NOD1: variants seen among roughly 807,000 people sequenced by gnomAD.
NOD1 encodes nucleotide binding oligomerization domain containing 1.
In NOD1, 70 loss-of-function variants were observed where a neutral mutation model predicts 81.2. That is an observed-to-expected ratio of 0.86 (90% CI 0.71 to 1.05). The LOEUF is 1.05. Among genes scored for constraint, NOD1 ranks in the 50% least tolerant of loss-of-function variants. The probability of loss-of-function intolerance (pLI) is 0.00; values close to 1 mark genes in which losing one functional copy is unlikely to be tolerated. For missense variants in NOD1, 1,233 were observed against 1,228.0 expected (o/e 1.00, Z -0.06); for synonymous variants, 508 against 526.9 (o/e 0.96, Z 0.49).
Position 30,435,996 on chromosome 7 carries a change from A to G in NOD1, c.2621+2T>C, listed in dbSNP as rs1784346538. ...AACAAATGAAATGACTCGAGCTATT[A>G]CCACAGTATTTCTAGAGACGTGTTC... On this transcript the variant is annotated splice_donor_variant, in intron 11 of 13. Coordinates refer to ENST00000222823, the MANE Select transcript of NOD1 (RefSeq NM_006092.4). LOFTEE classifies it high-confidence loss of function. 1.2e-6 allele frequency: 2 copies of G among 1,610,724 alleles called. No individual in the cohort carries two copies. The highest frequency in any genetic ancestry group is 1.7e-6 in the Non-Finnish European group (2 of 1,176,968).
At chr7:30,473,150 TA>T (rs1788438072) in intron 1 of NOD1, among the ~76,000 whole-genome samples, 1 of 152,142 alleles carries the variant, frequency 6.6e-6, no homozygotes, top group African/African-American at 2.4e-5. Context: ...TCAGGAATGC[TA>T]AAGAAGCCAC....
intron 9 of NOD1, among the ~76,000 whole-genome samples, chr7:30,438,893 A>G (rs1232795518): frequency 6.6e-6 from 1 of 152,236 alleles, no homozygotes; most frequent in African/African-American, 2.4e-5. Flanking sequence ...TTAAATGTTA[A>G]CAAGAATCAT....
intron 1 of NOD1, among the ~76,000 whole-genome samples, chr7:30,461,685 T>C (rs1320397632): frequency 6.6e-6 from 1 of 152,060 alleles, no homozygotes; most frequent in Non-Finnish European, 1.5e-5. Flanking sequence ...GACATCAGAG[T>C]TCCTGCCTGC....
chr7:30,453,196 TG>T (rs34332214), intron 5 of NOD1, among the ~76,000 whole-genome samples, 156 bp from the exon 6 acceptor site: 1 of 152,110 alleles, frequency 6.6e-6, no homozygotes, highest in Non-Finnish European at 1.5e-5. Context: ...ATGCAGGACC[TG>T]GGGAGCGTCA....
Position 30,452,512 on chromosome 7 carries a change from G to C in NOD1, c.905C>G (p.Ser302Cys), listed in dbSNP as rs1400632936. The part of the protein sequence containing the change: ...DLDLSRVPDS[S>C]CPWEPAHPLV... ...GGGGTGGGCAGGCTCCCAGGGGCAG[G>C]AGCTGTCAGGCACGCGGCTCAGGTC... The change falls in exon 6 of 14, where the codon TCC becomes TGC. Residue 302 changes from serine (S) to cysteine (C), a missense_variant. By Grantham distance (112) the Ser-to-Cys change is moderately radical. Transcript: ENST00000222823. The C allele has an allele frequency of 1.2e-6, 2 of 1,613,102 alleles. No individual in the cohort carries two copies. The highest frequency in any genetic ancestry group is 1.7e-6 in the Non-Finnish European group (2 of 1,179,986).
intron 1 of NOD1, chr7:30,460,688 C>G (rs1786954988): frequency 2.0e-6 from 2 of 985,272 alleles, no homozygotes; most frequent in African/African-American, 3.5e-5. Context: ...GAGGCAAAGG[C>G]AGGTGGGGGT....
intron 1 of NOD1, among the ~76,000 whole-genome samples, chr7:30,477,557 C>T (rs1417525205): frequency 6.6e-6 from 1 of 152,174 alleles, no homozygotes; most frequent in Non-Finnish European, 1.5e-5. Context: ...TCTTGTTGCC[C>T]AGGCTGGAGC....
At chr7:30,437,943 G>A (rs991204602) in intron 9 of NOD1, among the ~76,000 whole-genome samples, 10 of 152,212 alleles carry the variant, frequency 6.6e-5, no homozygotes, top group Non-Finnish European at 1.3e-4. Flanking sequence ...CACGAGCTTC[G>A]GAGAGCTGTC....
At chr7:30,461,622 T>A (rs1787087910) in intron 1 of NOD1, among the ~76,000 whole-genome samples, 1 of 152,262 alleles carries the variant, frequency 6.6e-6, no homozygotes, top group Non-Finnish European at 1.5e-5. Context: ...GGCCAGGGGC[T>A]ACTCAAGTGG....
Position 30,453,034 on chromosome 7 carries a change from C to G in NOD1, c.383G>C (p.Arg128Thr). The change falls in exon 6 of 14, where the codon AGG becomes ACG. Residue 128 changes from arginine to threonine, a missense_variant. Physicochemically the swap from Arg to Thr is moderately conservative, Grantham distance 71 (BLOSUM62 -1). Coordinates refer to ENST00000222823, the MANE Select transcript of NOD1 (RefSeq NM_006092.4). ...KVVVNTDPVS[R>T]YTQQLRHHLG... is the part of the protein sequence containing the mutation. ...ATGGTGTCGCAGCTGCTGGGTATAC[C>G]TGCTCACTGGAGGGAGGGGGTGGCA... The G allele has an allele frequency of 6.2e-7, 1 of 1,601,736 alleles. No homozygotes were observed. The highest frequency in any genetic ancestry group is 8.5e-7 in the Non-Finnish European group (1 of 1,171,886).
intron 12 of NOD1, among the ~76,000 whole-genome samples, chr7:30,431,847 G>C (rs568928914): frequency 9.2e-5 from 14 of 152,346 alleles, no homozygotes; most frequent in Non-Finnish European, 1.9e-4. Flanking sequence ...CTTTTCGCCT[G>C]TAATCCCAGC....
At chr7:30,463,202 A>G (rs537558443) in intron 1 of NOD1, among the ~76,000 whole-genome samples, 3 of 152,314 alleles carry the variant, frequency 2.0e-5, no homozygotes, top group African/African-American at 7.2e-5. Flanking sequence ...CGACTTGTCA[A>G]AAGTCAGCAA....
At chr7:30,434,111 C>T (rs1329806287) in intron 11 of NOD1, among the ~76,000 whole-genome samples, 2 of 152,196 alleles carry the variant, frequency 1.3e-5, no homozygotes, top group Non-Finnish European at 2.9e-5. Flanking sequence ...CTACTCCGGA[C>T]TCAGCCTGGG....
chr7:30,434,753 A>G (rs1412662253), intron 11 of NOD1, among the ~76,000 whole-genome samples: 4 of 152,154 alleles, frequency 2.6e-5, no homozygotes, highest in African/African-American at 9.7e-5. Context: ...ATGTTAAATG[A>G]TTTGTTGAGG....
At chr7:30,448,577 C>T (rs1785360173) in intron 6 of NOD1, among the ~76,000 whole-genome samples, 196 bp from the exon 7 acceptor site, 1 of 152,222 alleles carries the variant, frequency 6.6e-6, no homozygotes, top group Non-Finnish European at 1.5e-5. Flanking sequence ...ACCCATCCTG[C>T]ACCAGCCCAT....
rs777481488 is a variant in NOD1 at position 30,446,240 on chromosome 7, C to T, written c.2370-16G>A. On this transcript the variant is annotated splice_polypyrimidine_tract_variant and intron_variant, in intron 8 of 13. Coordinates refer to ENST00000222823, the MANE Select transcript of NOD1 (RefSeq NM_006092.4). ...TTTTCCCAGTCTGCAGAGAGAGTCA[C>T]ACACAGTCAGCCTCCAGCTATGCAG... 1.0e-5 allele frequency: 16 copies of T among 1,603,716 alleles called. No individual in the cohort carries two copies. The highest frequency in any genetic ancestry group is 1.7e-5 in the Admixed American group (1 of 60,002).
At position 30,478,591 on chromosome 7, in the gene NOD1, G is replaced by C. The variant is rs576382135; in HGVS notation, c.-352+15C>G. On this transcript the variant is annotated intron_variant, in intron 1 of 13. Coordinates refer to ENST00000222823, the MANE Select transcript of NOD1 (RefSeq NM_006092.4). This position sits in a 1 kb window ranked among gnomAD's most constrained non-coding sequence, Gnocchi z 4.1. ...AGGGCCTGCCCCGCGCGAATCCCCA[G>C]TCGCTGGGACTTACTTGGCCACCAG... 47 of 152,478 alleles carry C rather than the reference G, an allele frequency of 3.1e-4. No individual in the cohort carries two copies. Among genetic ancestry groups the C allele is most frequent in the African/African-American group, 1.1e-3 (46 of 41,566 alleles). The allele number at this position is 152,478 out of a possible 1,614,324, so 9.4% of individuals were successfully genotyped here. A position where few individuals can be genotyped will look rare whatever the true frequency, so the allele number is the denominator to read the frequency against.
chr7:30,445,486 C>A (rs897940191), intron 9 of NOD1, among the ~76,000 whole-genome samples: 1 of 151,814 alleles, frequency 6.6e-6, no homozygotes, highest in East Asian at 1.9e-4. Flanking sequence ...TGGCGGGGCA[C>A]GGTGGCTCAC....
chr7:30,448,472 C>T, intron 6 of NOD1, 91 bp from the exon 7 acceptor site: 5 of 1,118,638 alleles, frequency 4.5e-6, no homozygotes, highest in African/African-American at 1.5e-5. Flanking sequence ...GCCTTCAGGC[C>T]CTGGAGTTTT....
Sources: gnomAD v4.1 joint callset for allele counts (sites outside exome capture counted in the v4.1 genomes callset) on GRCh38, gnomAD v4.1.1 for gene constraint, Gnocchi (gnomAD v3.1) non-coding constraint, MANE v1.5 for transcripts, NCBI Gene and HGNC (gene_info 2026-07-23, HGNC 2026-07-21) for gene names.